The following ABCA6 variants were observed in gnomAD, a reference collection of about 807,000 sequenced individuals.
ABCA6 encodes ATP-binding cassette sub-family A member 6.
In ABCA6, 164 loss-of-function variants were observed where a neutral mutation model predicts 191.2. The observed-to-expected ratio is 0.86, with a 90% CI of 0.76 to 0.98. The LOEUF (loss-of-function observed/expected upper bound fraction) is 0.98, where lower values mean the gene tolerates loss of function less well. ABCA6 is among the 50% of genes least tolerant of loss of function. ABCA6 has a pLI of 0.00. For synonymous variants in ABCA6, 636 were observed against 647.7 expected (o/e 0.98, Z 0.27); for missense variants, 1,958 against 1,894.1 (o/e 1.03, Z -0.63).
In ABCA6 at chr17:69,084,421, A is replaced by G; in HGVS notation, c.4260+11T>C. 1 of 1,614,118 alleles carries G rather than the reference A, an allele frequency of 6.2e-7. No individual in the cohort carries two copies. Among genetic ancestry groups the G allele is most frequent in the Non-Finnish European group, 8.5e-7 (1 of 1,179,976 alleles). ...ACCAGCTCTCCATAGAGCATCACAC[A>G]CCGCACGTACCTTTCTCGTGATTCC... On this transcript the variant is annotated intron_variant, in intron 33 of 38. Transcript: ENST00000284425.
chr17:69,132,885 CAT>C (rs944030679), intron 6 of ABCA6, among the ~76,000 whole-genome samples: 13 of 146,540 alleles, frequency 8.9e-5, no homozygotes, highest in South Asian at 2.2e-4. Context: ...TGTGTGTGTA[CAT>C]ATATGTGTGT....
Position 69,140,652 on chromosome 17 carries a change from T to G in ABCA6, c.52A>C (p.Lys18Gln), listed in dbSNP as rs1367974808. 4 of 1,601,198 alleles carry G rather than the reference T, an allele frequency of 2.5e-6. No homozygotes were observed. The African/African-American group carries it at 5.4e-5, about 22-fold the overall frequency. The change falls in exon 2 of 39, where the codon AAG becomes CAG. Residue 18 changes from lysine to glutamine, a missense_variant. By Grantham distance (53) the Lys-to-Gln change is moderately conservative. Transcript: ENST00000284425. ...VYQQTKALLC[K>Q]NFLKKWRMKR... ...ATCCTCCATTTCTTAAGAAAATTCT[T>G]GCACAGAAGTGCTTTGGTTTGCTGA...
Position 69,079,026 on chromosome 17 carries a change from C to G in ABCA6, c.4801G>C (p.Glu1601Gln). The G allele has an allele frequency of 6.2e-7, 1 of 1,612,542 alleles. No homozygotes were observed. The highest frequency in any genetic ancestry group is 8.5e-7 in the Non-Finnish European group (1 of 1,179,340). The change falls in exon 39 of 39, where the codon GAA (glutamate) becomes CAA (glutamine). Residue 1601 changes from glutamate (E) to glutamine (Q), a missense_variant. Coordinates refer to ENST00000284425, the MANE Select transcript of ABCA6 (RefSeq NM_080284.3). ...KEQEVGNFDE[E>Q]IDTTMRWKLL... ...TTCCATCTCATTGTTGTATCAATTTCTTCATCAAAATTTCCTACTTCCTGT... is the reference window on the plus strand; with the variant it reads ...TTCCATCTCATTGTTGTATCAATTTGTTCATCAAAATTTCCTACTTCCTGT...
intron 17 of ABCA6, chr17:69,108,301 A>G: frequency 6.5e-6 from 1 of 154,082 alleles, no homozygotes; most frequent in Non-Finnish European, 1.4e-5. Flanking sequence ...CTGCTCCCTC[A>G]CTCATTGCCC....
chr17:69,134,209 G>A (rs77259685), intron 5 of ABCA6, among the ~76,000 whole-genome samples: 5 of 152,180 alleles, frequency 3.3e-5, no homozygotes, highest in Admixed American at 2.0e-4. Context: ...TCATTGCTAC[G>A]GTTTGAAAGT....
intron 6 of ABCA6, among the ~76,000 whole-genome samples, chr17:69,130,499 TATCA>T (rs1488285702): frequency 1.3e-5 from 2 of 152,186 alleles, no homozygotes; most frequent in African/African-American, 4.8e-5. Flanking sequence ...AAGATGTCTT[TATCA>T]ATCAACAATA....
chr17:69,122,642 T>C (rs1407738435), intron 10 of ABCA6, among the ~76,000 whole-genome samples: 3 of 151,952 alleles, frequency 2.0e-5, no homozygotes, highest in Non-Finnish European at 2.9e-5. Flanking sequence ...ACTTATCATA[T>C]AAAACCAGAT....
chr17:69,084,227 C>A lies in ABCA6; in HGVS notation c.4355+34G>T, dbSNP rs751117383. ...AAAATATGCAACCTTCCCTAATGTG[C>A]ATGCTCGCAGCTCTGGGGTATAATG... On this transcript the variant is annotated intron_variant, in intron 34 of 38. Coordinates refer to ENST00000284425, the MANE Select transcript of ABCA6 (RefSeq NM_080284.3). 1.2e-5 allele frequency: 20 copies of A among 1,601,210 alleles called. No homozygotes were observed. The South Asian group carries it at 1.8e-4, about 14-fold the overall frequency.
At chr17:69,101,556 A>T (rs1347347348) in intron 21 of ABCA6, among the ~76,000 whole-genome samples, 1 of 151,260 alleles carries the variant, frequency 6.6e-6, no homozygotes, top group Non-Finnish European at 1.5e-5. Context: ...CGATCACACC[A>T]CTGCACTCCA....
At chr17:69,090,581 T>C (rs1425955945) in intron 26 of ABCA6, among the ~76,000 whole-genome samples, 3 of 152,326 alleles carry the variant, frequency 2.0e-5, no homozygotes, top group Admixed American at 6.5e-5. Context: ...AACATTTAAG[T>C]TTCTTGTATT....
intron 37 of ABCA6, among the ~76,000 whole-genome samples, chr17:69,079,832 G>A (rs1266829127): frequency 6.6e-6 from 1 of 152,216 alleles, no homozygotes; most frequent in Non-Finnish European, 1.5e-5. Flanking sequence ...TTGCATTTTA[G>A]TGGGAGGAAT....
At chr17:69,090,185 T>C (rs1312795018) in intron 26 of ABCA6, among the ~76,000 whole-genome samples, 2 of 152,212 alleles carry the variant, frequency 1.3e-5, no homozygotes, top group Admixed American at 6.5e-5. Context: ...TGGAGATGTA[T>C]TTTTGCAAAT....
intron 34 of ABCA6, among the ~76,000 whole-genome samples, chr17:69,083,801 T>C (rs1324060421): frequency 6.6e-6 from 1 of 152,150 alleles, no homozygotes; most frequent in Non-Finnish European, 1.5e-5. Flanking sequence ...GATTTTATTA[T>C]TCCAAAGGGT....
rs1313549238 is a variant in ABCA6 at position 69,137,296 on chromosome 17, C to T, written c.301G>A (p.Gly101Arg). The change falls in exon 3 of 39, where the codon GGA (glycine) becomes AGA (arginine). Residue 101 changes from glycine to arginine, a missense_variant and splice_region_variant. Coordinates refer to ENST00000284425, the MANE Select transcript of ABCA6 (RefSeq NM_080284.3). The stretch of plus-strand genomic sequence containing the variant: ...CTTTTTTTGCCATGAGTACACCTAC[C>T]TTTCAAAAGAGGAGCAAGTGCTGTT... ...NKTALAPLLK[G>R]TSVIGAPNKT... 10 of 1,611,362 alleles carry T rather than the reference C, an allele frequency of 6.2e-6. No individual in the cohort carries two copies. The highest frequency in any genetic ancestry group is 8.5e-6 in the Non-Finnish European group (10 of 1,179,232).
At chr17:69,085,246 G>C (rs2072753211) in intron 31 of ABCA6, 64 bp from the exon 32 acceptor site, 1 of 1,480,624 alleles carries the variant, frequency 6.8e-7, no homozygotes. Flanking sequence ...AATTACTCCA[G>C]AAACTGACAT....
chr17:69,117,840 C>T (rs2073564857), intron 11 of ABCA6, 58 bp downstream of exon 11: 6 of 1,279,808 alleles, frequency 4.7e-6, no homozygotes, highest in East Asian at 2.5e-5. Flanking sequence ...TGAATGTTTC[C>T]CTTTTTTATA....
intron 6 of ABCA6, among the ~76,000 whole-genome samples, chr17:69,130,094 T>C (rs139153627): frequency 6.6e-6 from 1 of 152,018 alleles, no homozygotes; most frequent in Non-Finnish European, 1.5e-5. Flanking sequence ...GGTGGGCAGA[T>C]CATTTGAGGT....
intron 8 of ABCA6, among the ~76,000 whole-genome samples, chr17:69,128,366 G>C (rs1179922764): frequency 1.3e-5 from 2 of 151,194 alleles, no homozygotes; most frequent in East Asian, 3.9e-4. Flanking sequence ...TTGTATATAG[G>C]AAAAAAACCT....
At chr17:69,117,249 TG>T (rs751845032) in intron 11 of ABCA6, among the ~76,000 whole-genome samples, 2 of 152,110 alleles carry the variant, frequency 1.3e-5, no homozygotes, top group Non-Finnish European at 2.9e-5. Context: ...GGAAGGTTCA[TG>T]GCTCTTCTTT....
Sources: gnomAD v4.1 joint callset for allele counts (sites outside exome capture counted in the v4.1 genomes callset) on GRCh38, gnomAD v4.1.1 for gene constraint, MANE v1.5 for transcripts, NCBI Gene and HGNC (gene_info 2026-07-23, HGNC 2026-07-21) for gene names.